ADH6: variants seen among roughly 807,000 people sequenced by gnomAD.
ADH6 encodes the protein alcohol dehydrogenase 6.
In ADH6, 34 loss-of-function variants were observed where a neutral mutation model predicts 36.5. That is an observed-to-expected ratio of 0.93 (90% confidence interval 0.71 to 1.24). ADH6 has a LOEUF of 1.24. Among genes scored for constraint, ADH6 ranks in the 50% most tolerant of loss-of-function variants. ADH6 has a pLI of 0.00. For missense variants in ADH6, 440 were observed against 447.0 expected (o/e 0.98, Z 0.14); for synonymous variants, 161 against 155.5 (o/e 1.04, Z -0.26).
chr4:99,216,056 A>AT (rs1248851679), intron 2 of ADH6, 105 bp downstream of exon 2: 1,043 of 519,678 alleles, frequency 2.0e-3, no homozygotes, highest in Non-Finnish European at 2.3e-3. Flanking sequence ...TAGTTTTATT[A>AT]TTTTTTTTTC....
chr4:99,209,991 T>C (rs1480606487), intron 5 of ADH6, 91 bp downstream of exon 5: 8 of 1,354,658 alleles, frequency 5.9e-6, no homozygotes. Flanking sequence ...GGATTTTTCC[T>C]TTGGTATGAT....
Position 99,203,502 on chromosome 4 carries a change from T to TA in ADH6, c.*716dup, listed in dbSNP as rs1324669444. The TA allele has an allele frequency of 6.6e-6, 1 of 152,080 alleles. No homozygotes were observed. The highest frequency in any genetic ancestry group is 1.5e-5 in the Non-Finnish European group (1 of 67,974). The allele number at this position is 152,080 out of a possible 1,614,324, so 9.4% of individuals were successfully genotyped here. ...TTCCTGTTTTATGTGAAGATTGGAA[T>TA]AAAAAACAGTTTTGTTATTTAATAT... On this transcript the variant is annotated 3_prime_UTR_variant, in exon 9 of 9. Coordinates refer to ENST00000394899, the MANE Select transcript of ADH6 (RefSeq NM_001102470.2).
chr4:99,210,060 A>G, intron 5 of ADH6, 22 bp downstream of exon 5: 1 of 1,608,382 alleles, frequency 6.2e-7, no homozygotes, highest in Non-Finnish European at 8.5e-7. Context: ...TTCCCTTCCA[A>G]ATGGGTATAA....
chr4:99,205,672 T>A (rs1184857093), intron 7 of ADH6, among the ~76,000 whole-genome samples: 1 of 152,134 alleles, frequency 6.6e-6, no homozygotes, highest in Non-Finnish European at 1.5e-5. Context: ...ATTTTCTCTA[T>A]TCCCGTGATT....
intron 7 of ADH6, 111 bp from the exon 8 acceptor site, chr4:99,205,174 G>T: frequency 1.7e-6 from 2 of 1,202,878 alleles, no homozygotes; most frequent in Non-Finnish European, 2.3e-6. Flanking sequence ...ATCTAAGCCT[G>T]TCCCGTTTAC....
chr4:99,207,586 T>C lies in ADH6; in HGVS notation c.829-5A>G. On this transcript the variant is annotated splice_region_variant and splice_polypyrimidine_tract_variant and intron_variant, in intron 6 of 8. Coordinates refer to ENST00000394899, the MANE Select transcript of ADH6 (RefSeq NM_001102470.2). ...GCAGGAGGCGAGGGCAGCTGCCTGTTAGAAAGTGATGCAATACAGTATAGG... is the reference window on the plus strand; with the variant it reads ...GCAGGAGGCGAGGGCAGCTGCCTGTCAGAAAGTGATGCAATACAGTATAGG... 1.2e-6 allele frequency: 2 copies of C among 1,613,052 alleles called. No homozygotes were observed. Among genetic ancestry groups the C allele is most frequent in the South Asian group, 2.2e-5 (2 of 91,014 alleles).
intron 1 of ADH6, among the ~76,000 whole-genome samples, chr4:99,217,461 C>G (rs1731489697): frequency 6.6e-6 from 1 of 152,192 alleles, no homozygotes; most frequent in Admixed American, 6.5e-5. Flanking sequence ...TGCGTAAGAA[C>G]ATGTGATATT....
intron 2 of ADH6, among the ~76,000 whole-genome samples, chr4:99,214,369 G>A (rs1731329697): frequency 6.6e-6 from 1 of 152,122 alleles, no homozygotes; most frequent in Non-Finnish European, 1.5e-5. Context: ...ACTCCAGTCT[G>A]GGTGACAGAG....
At chr4:99,212,506 C>T in intron 3 of ADH6, among the ~76,000 whole-genome samples, 1 of 152,120 alleles carries the variant, frequency 6.6e-6, no homozygotes, top group East Asian at 1.9e-4. Context: ...ATACTCTTAG[C>T]AATTTTGAAA....
rs1730970473 is a variant in ADH6 at position 99,204,984 on chromosome 4, A to G, written c.1044T>C (p.Thr348=). 6.2e-7 allele frequency: 1 copy of G among 1,609,772 alleles called. No homozygotes were observed. The highest frequency in any genetic ancestry group is 8.5e-7 in the Non-Finnish European group (1 of 1,178,232). ...TGATTTTATCAAGATTCAGAGTATG[A>G]GTAATTAGTGGATCTAGATTCAACT... ...AEKLNLDPLI[T]HTLNLDKINE... Residue 348 remains threonine (T), a synonymous_variant, in exon 8 of 9, where the codon ACT becomes ACC. Coordinates refer to ENST00000394899, the MANE Select transcript of ADH6 (RefSeq NM_001102470.2).
chr4:99,216,157 TTAC>T lies in ADH6; in HGVS notation c.120+1_120+3del. ...GTGATTTTTTTTTTTTTTTTTTTTTTTACCTTTATGCGAACTTCCTTTGCCTTT... is the reference window on the plus strand; with the variant it reads ...GTGATTTTTTTTTTTTTTTTTTTTTTCTTTATGCGAACTTCCTTTGCCTTT... On this transcript the variant is annotated splice_donor_variant and splice_donor_region_variant and intron_variant, in intron 2 of 8. Transcript: ENST00000394899. LOFTEE classifies it high-confidence loss of function. The T allele has an allele frequency of 6.4e-6, 9 of 1,400,432 alleles. No individual in the cohort carries two copies. The highest frequency in any genetic ancestry group is 1.5e-5 in the South Asian group (1 of 67,178). 86.8% of individuals were successfully genotyped at this position (1,400,432 alleles called of 1,614,324 possible).
chr4:99,216,488 T>C (rs989203651), intron 1 of ADH6, among the ~76,000 whole-genome samples: 1 of 152,282 alleles, frequency 6.6e-6, no homozygotes, highest in African/African-American at 2.4e-5. Context: ...ATACCAACTA[T>C]ATTTACAAAA....
chr4:99,208,601 A>G (rs1328766533), intron 6 of ADH6, 67 bp downstream of exon 6: 3 of 1,499,760 alleles, frequency 2.0e-6, no homozygotes, highest in Non-Finnish European at 2.7e-6. Flanking sequence ...TAGAAAGCTC[A>G]TTCAACTATA....
chr4:99,212,932 T>C (rs2156733), intron 3 of ADH6, among the ~76,000 whole-genome samples: 49,236 of 151,654 alleles, frequency 0.32, 9,278 homozygotes, highest in East Asian at 0.77. Context: ...TATATAAATA[T>C]CTATTTTATA....
rs1005492880 is a variant in ADH6, at chr4:99,204,095, G to A, written c.*124C>T. ...AAGCCAGATATAGGTCCACTGCGGA[G>A]TGAATCAGAAGTCAGAATATAGAAA... On this transcript the variant is annotated 3_prime_UTR_variant, in exon 9 of 9. Transcript: ENST00000394899. The A allele has an allele frequency of 1.6e-6, 2 of 1,216,530 alleles. No individual in the cohort carries two copies. Among genetic ancestry groups the A allele is most frequent in the South Asian group, 1.4e-5 (1 of 69,786 alleles). 75.4% of individuals were successfully genotyped at this position (1,216,530 alleles called of 1,614,324 possible). A position where few individuals can be genotyped will look rare whatever the true frequency, so the allele number is the denominator to read the frequency against.
In ADH6 at chr4:99,216,187, G is replaced by GTGGT. The variant is rs781626054; in HGVS notation, c.93_94insACCA (p.Pro32ThrfsTer27). ...TTTATGCGAACTTCCTTTGCCTTTG[G>GTGGT]TGGGGCCACTTCTACCTCTTCAATA... On this transcript the variant is annotated frameshift_variant, in exon 2 of 9. Coordinates refer to ENST00000394899, the MANE Select transcript of ADH6 (RefSeq NM_001102470.2). LOFTEE classifies it high-confidence loss of function. The GTGGT allele has an allele frequency of 1.3e-6, 2 of 1,487,826 alleles. No homozygotes were observed. Among genetic ancestry groups the GTGGT allele is most frequent in the South Asian group, 1.3e-5 (1 of 74,764 alleles). 92.2% of individuals were successfully genotyped at this position (1,487,826 alleles called of 1,614,324 possible).
chr4:99,210,305 T>C lies in ADH6; in HGVS notation c.351-7A>G, dbSNP rs200474622. ...CAGTTGGGTTTTTGACTGTCTTTTA[T>C]AGACAAAACAAAAAACAAAACACAA... On this transcript the variant is annotated splice_region_variant and splice_polypyrimidine_tract_variant and intron_variant, in intron 4 of 8. Transcript: ENST00000394899. 4 of 1,610,390 alleles carry C rather than the reference T, an allele frequency of 2.5e-6. No individual in the cohort carries two copies. The highest frequency in any genetic ancestry group is 3.4e-6 in the Non-Finnish European group (4 of 1,177,110).
chr4:99,204,312 A>G, intron 8 of ADH6, 69 bp from the exon 9 acceptor site: 1 of 1,581,608 alleles, frequency 6.3e-7, no homozygotes, highest in South Asian at 1.1e-5. Context: ...TGGATTTCAA[A>G]TTCTCACTTT....
intron 3 of ADH6, among the ~76,000 whole-genome samples, chr4:99,211,425 A>G (rs1403643496): frequency 6.6e-6 from 1 of 152,156 alleles, no homozygotes; most frequent in Non-Finnish European, 1.5e-5. Context: ...TGCCATGAAC[A>G]CTGATAGATA....
Sources: gnomAD v4.1 joint callset for allele counts (sites outside exome capture counted in the v4.1 genomes callset) on GRCh38, gnomAD v4.1.1 for gene constraint, MANE v1.5 for transcripts, NCBI Gene and HGNC (gene_info 2026-07-23, HGNC 2026-07-21) for gene names.